The following SHBG variants were observed in gnomAD, a reference collection of about 807,000 sequenced individuals.
SHBG encodes the protein sex hormone-binding globulin.
A neutral mutation model predicts 41.9 loss-of-function variants in SHBG; 37 were observed. The ratio of observed to expected loss-of-function variants is 0.88; its 90% CI spans 0.68 to 1.16. The LOEUF is 1.16. Among genes scored for constraint, SHBG ranks in the 50% most tolerant of loss-of-function variants. The pLI is 0.00. For synonymous variants in SHBG, 217 were observed against 205.8 expected, an observed-to-expected ratio of 1.05 and a Z score of -0.47; for missense variants, 466 against 499.9, an observed-to-expected ratio of 0.93 and a Z score of 0.65.
At chr17:7,626,151 A>T, upstream of SHBG, 1 of 256,382 alleles carries the variant, frequency 3.9e-6, no homozygotes, top group East Asian at 9.6e-5. Context: ...CGGAGTTCGC[A>T]CCACTGCACT....
At chr17:7,626,343 T>C (rs574662934), upstream of SHBG, 615 of 1,331,386 alleles carry the variant, frequency 4.6e-4, 1 homozygote, top group South Asian at 5.7e-4. Context: ...CCCTCCTTCC[T>C]CCAGGGAGGC....
chr17:7,627,359 C>T (rs2072246305), upstream of SHBG: 6 of 1,614,044 alleles, frequency 3.7e-6, no homozygotes, highest in Admixed American at 1.7e-5. The surrounding 1 kb of genome is among the most constrained non-coding windows in gnomAD (Gnocchi z 4.8). Flanking sequence ...CGCTGAGCCC[C>T]CACCTTCTTC....
upstream of SHBG, among the ~76,000 whole-genome samples, chr17:7,629,826 G>T (rs2072339941): frequency 6.6e-6 from 1 of 152,156 alleles, no homozygotes; most frequent in Non-Finnish European, 1.5e-5. Flanking sequence ...TAGACCTCAG[G>T]CCTGTGAATG....
chr17:7,628,927 A>G (rs2072311456), upstream of SHBG, among the ~76,000 whole-genome samples: 1 of 152,044 alleles, frequency 6.6e-6, no homozygotes, highest in African/African-American at 2.4e-5. Flanking sequence ...GTGGTGGCGC[A>G]TGCCTTTACT....
chr17:7,627,612 C>T (rs1267637189), upstream of SHBG: 2 of 1,613,482 alleles, frequency 1.2e-6, no homozygotes, highest in Non-Finnish European at 1.7e-6. This position sits in a 1 kb window ranked among gnomAD's most constrained non-coding sequence, Gnocchi z 4.8. Flanking sequence ...CCTCCTTGGC[C>T]TCTCGGATCC....
chr17:7,619,503 C>T (rs375614962), intron 1 of SHBG, among the ~76,000 whole-genome samples: 2 of 150,688 alleles, frequency 1.3e-5, no homozygotes, highest in African/African-American at 2.4e-5. Context: ...GTCAGGAGTT[C>T]GAGACCAGCC....
Position 7,631,245 on chromosome 17 carries a change from G to T in SHBG, c.439G>T (p.Gly147Trp). The stretch of plus-strand genomic sequence containing the variant: ...GGACTCTGTGCTGCTGGAGGTGGAT[G>T]GGGAGGAGGTGCTGCGCCTGAGACA... Reference protein sequence around the residue: ...EGDSVLLEVDGEEVLRLRQVS... With the variant: ...EGDSVLLEVDWEEVLRLRQVS... The change falls in exon 4 of 8, where the codon GGG (glycine) becomes TGG (tryptophan). Residue 147 changes from glycine (G) to tryptophan (W), a missense_variant. By Grantham distance (184) the Gly-to-Trp change is radical (BLOSUM62 -2). Coordinates refer to ENST00000380450, the MANE Select transcript of SHBG (RefSeq NM_001040.5). 6.2e-7 allele frequency: 1 copy of T among 1,604,520 alleles called. No individual in the cohort carries two copies. Among genetic ancestry groups the T allele is most frequent in the Non-Finnish European group, 8.5e-7 (1 of 1,175,688 alleles).
chr17:7,614,513 C>T lies in SHBG; in HGVS notation c.-62+402C>T, dbSNP rs372022316. On this transcript the variant is annotated intron_variant, in intron 1 of 5. Coordinates refer to the SHBG transcript ENST00000570547. ...GGGCAGTCCCGGCTCCACATCCCCC[C>T]CAGAGGCCAGGCCGCCCATGGCGCC... 15 of 1,514,456 alleles carry T rather than the reference C, an allele frequency of 9.9e-6. No homozygotes were observed. In the African/African-American group the frequency reaches 1.0e-4, roughly 10 times the overall value. The allele number at this position is 1,514,456 out of a possible 1,614,324, so 93.8% of individuals were successfully genotyped here.
chr17:7,626,571 A>G (rs371353730), upstream of SHBG: 1 of 1,614,116 alleles, frequency 6.2e-7, no homozygotes, highest in Non-Finnish European at 8.5e-7. Flanking sequence ...GTTCCAGTCC[A>G]GGACGGCCAG....
At chr17:7,629,028 C>A (rs967447083), upstream of SHBG, among the ~76,000 whole-genome samples, 1 of 151,820 alleles carries the variant, frequency 6.6e-6, no homozygotes, top group African/African-American at 2.4e-5. Flanking sequence ...TGCACTCCAG[C>A]CTGGGCAACA....
In SHBG at chr17:7,630,332, C is replaced by T. The variant is rs746383526; in HGVS notation, c.111+49C>T. ...CAGCTCATGCAGTCTTCCCTTCTCT[C>T]CTCTGGCCCTGTAGCAGGGCCTCTC... On this transcript the variant is annotated intron_variant, in intron 1 of 7. Transcript: ENST00000380450. This position sits in a 1 kb window ranked among gnomAD's most constrained non-coding sequence, Gnocchi z 4.6. 2.5e-6 allele frequency: 4 copies of T among 1,589,864 alleles called. No individual in the cohort carries two copies. The highest frequency in any genetic ancestry group is 4.5e-5 in the East Asian group (2 of 44,762).
In SHBG at chr17:7,632,020, AGGGG is replaced by A. The variant is rs1351413632; in HGVS notation, c.852+7_852+10del. ...AGTCTCCACCTCCAAGATCAAGTAA[AGGGG>A]GACAGTGGGGCATTGCCTGTATTCA... is the stretch of plus-strand genomic sequence containing the variant. On this transcript the variant is annotated splice_donor_region_variant and intron_variant, in intron 6 of 7. Coordinates refer to ENST00000380450, the MANE Select transcript of SHBG (RefSeq NM_001040.5). 4 of 1,613,090 alleles carry A rather than the reference AGGGG, an allele frequency of 2.5e-6. No homozygotes were observed. Among genetic ancestry groups the A allele is most frequent in the Non-Finnish European group, 3.4e-6 (4 of 1,180,006 alleles).
At chr17:7,627,927 G>C (rs1306324807), upstream of SHBG, 4 of 551,378 alleles carry the variant, frequency 7.3e-6, no homozygotes, top group Admixed American at 2.5e-5. This position sits in a 1 kb window ranked among gnomAD's most constrained non-coding sequence, Gnocchi z 4.8. Context: ...GAACAGGCAC[G>C]GCCGCGTCCC....
At position 7,630,231 on chromosome 17, in the gene SHBG, T is replaced by G; in HGVS notation, c.59T>G (p.Leu20Arg). The G allele has an allele frequency of 6.2e-7, 1 of 1,612,350 alleles. No individual in the cohort carries two copies. Among genetic ancestry groups the G allele is most frequent in the East Asian group, 2.2e-5 (1 of 44,754 alleles). Reference sequence around the variant, plus strand: ...CTGCTGCTGTTGCTGCTGTTGCTACTACTGCGTCACACCCGCCAGGGATGG... The same window carrying G: ...CTGCTGCTGTTGCTGCTGTTGCTACGACTGCGTCACACCCGCCAGGGATGG... ...SRLLLLLLLL[L>R]LRHTRQGWAL... is the part of the protein sequence containing the mutation. Residue 20 changes from leucine to arginine, a missense_variant, in exon 1 of 8, where the codon CTA (leucine) becomes CGA (arginine). Physicochemically the swap from Leu to Arg is moderately radical, Grantham distance 102. Transcript: ENST00000380450. The surrounding 1 kb of genome is among the most constrained non-coding windows in gnomAD (Gnocchi z 4.6).
At chr17:7,632,721 C>A in intron 6 of SHBG, 31 bp from the exon 7 acceptor site, 2 of 1,572,792 alleles carry the variant, frequency 1.3e-6, no homozygotes, top group Non-Finnish European at 1.7e-6. Context: ...TTCCCTCTCT[C>A]TCTACCGTCC....
intron 1 of SHBG, among the ~76,000 whole-genome samples, chr17:7,622,857 G>A (rs1375549200): frequency 2.7e-5 from 4 of 146,766 alleles, no homozygotes; most frequent in East Asian, 4.2e-4. Flanking sequence ...GTGAAACCCC[G>A]TCTCAACTAA....
intron 1 of SHBG, chr17:7,614,901 G>A: frequency 6.5e-6 from 1 of 153,610 alleles, no homozygotes; most frequent in East Asian, 1.9e-4. Context: ...CTACTGCGCA[G>A]GCGCACCGGG....
At chr17:7,626,570 C>T (rs547613311), upstream of SHBG, 447 of 1,614,098 alleles carry the variant, frequency 2.8e-4, 4 homozygotes, top group South Asian at 4.8e-3. Context: ...GGTTCCAGTC[C>T]AGGACGGCCA....
At chr17:7,631,161 T>A (rs1489987070) in intron 3 of SHBG, 39 bp from the exon 4 acceptor site, 2 of 1,509,676 alleles carry the variant, frequency 1.3e-6, no homozygotes, top group Admixed American at 2.1e-5. Context: ...CAGAAACAGA[T>A]CCCAGGGGCC....
Sources: gnomAD v4.1 joint callset for allele counts (sites outside exome capture counted in the v4.1 genomes callset) on GRCh38, gnomAD v4.1.1 for gene constraint, Gnocchi (gnomAD v3.1) non-coding constraint, MANE v1.5 for transcripts, NCBI Gene and HGNC (gene_info 2026-07-23, HGNC 2026-07-21) for gene names.